The following KLHL13 variants were observed in gnomAD, a reference collection of about 807,000 sequenced individuals.
The protein encoded by KLHL13 is kelch-like protein 13.
In KLHL13, 10 loss-of-function variants were observed where a neutral mutation model predicts 37.1. That is an observed-to-expected ratio of 0.27 (90% confidence interval 0.17 to 0.46). The LOEUF (loss-of-function observed/expected upper bound fraction) is 0.46. KLHL13 is among the 20% of genes least tolerant of loss of function. KLHL13 has a pLI of 1.00. For missense variants in KLHL13, 360 were observed against 509.3 expected, an observed-to-expected ratio of 0.71 and a Z score of 2.82; for synonymous variants, 163 against 181.2, an observed-to-expected ratio of 0.90 and a Z score of 0.81.
At chrX:117,984,230 TA>T (rs1182635988) in intron 1 of KLHL13, among the ~76,000 whole-genome samples, 1 of 111,738 alleles carries the variant, frequency 8.9e-6, no homozygotes, top group Non-Finnish European at 1.9e-5. Flanking sequence ...AATCCAGTTT[TA>T]AAAATAGAGA....
intron 2 of KLHL13, among the ~76,000 whole-genome samples, chrX:117,922,113 T>C (rs1410948364): frequency 1.8e-5 from 2 of 111,770 alleles, no homozygotes; most frequent in East Asian, 5.6e-4. Flanking sequence ...TAATAGCTCA[T>C]CTTATAAAAA....
At chrX:117,913,573 C>T (rs1931129631) in intron 4 of KLHL13, among the ~76,000 whole-genome samples, 1 of 112,062 alleles carries the variant, frequency 8.9e-6, no homozygotes, top group African/African-American at 3.2e-5. Context: ...AGGCCGGGGG[C>T]GGTGGCTCAC....
exon 7 of KLHL13, chrX:117,898,171 G>A (rs1929852192): frequency 9.0e-6 from 1 of 111,364 alleles, no homozygotes; most frequent in Admixed American, 9.5e-5. Context: ...TTTCTTTGAT[G>A]TGCCACTCAA....
At chrX:117,925,005 A>G (rs948401331) in intron 2 of KLHL13, among the ~76,000 whole-genome samples, 1 of 111,441 alleles carries the variant, frequency 9.0e-6, no homozygotes, top group African/African-American at 3.2e-5. Context: ...TTAAATAGAG[A>G]GAGGTACATA....
intron 2 of KLHL13, among the ~76,000 whole-genome samples, chrX:117,943,232 G>T (rs1241421588): frequency 1.8e-5 from 2 of 111,458 alleles, no homozygotes; most frequent in Non-Finnish European, 3.8e-5. Context: ...TAGGTAACCC[G>T]ACCTGTCTCT....
At chrX:118,038,961 C>T (rs2054479282) in intron 1 of KLHL13, among the ~76,000 whole-genome samples, 1 of 111,980 alleles carries the variant, frequency 8.9e-6, no homozygotes, top group Admixed American at 9.4e-5. Context: ...TACTAGCTTA[C>T]CTACAGTAGG....
At chrX:117,962,298 T>G (rs2053315184) in intron 1 of KLHL13, among the ~76,000 whole-genome samples, 1 of 105,800 alleles carries the variant, frequency 9.5e-6, no homozygotes, top group Non-Finnish European at 1.9e-5. Context: ...AGAAAAGAAA[T>G]ACATAGAGGT....
At chrX:117,908,066 ATTATTTATTTAT>A (rs78358758) in intron 5 of KLHL13, among the ~76,000 whole-genome samples, 79 of 99,210 alleles carry the variant, frequency 8.0e-4, no homozygotes, top group African/African-American at 1.4e-3. Flanking sequence ...CTACAAGGAC[ATTATTTATTTAT>A]TTATTTATTT....
At chrX:118,039,958 C>T (rs2148054533) in intron 1 of KLHL13, among the ~76,000 whole-genome samples, 1 of 111,353 alleles carries the variant, frequency 9.0e-6, no homozygotes, top group African/African-American at 3.3e-5. Flanking sequence ...GCCTGGTAAT[C>T]CATAGAATTC....
chrX:118,085,402 G>C (rs2055041953), intron 1 of KLHL13, among the ~76,000 whole-genome samples: 1 of 110,744 alleles, frequency 9.0e-6, no homozygotes, highest in Non-Finnish European at 1.9e-5. Flanking sequence ...CTTTATTATA[G>C]AACAAATGGG....
chrX:118,052,764 T>C (rs933588902), intron 1 of KLHL13, among the ~76,000 whole-genome samples: 2 of 108,365 alleles, frequency 1.8e-5, no homozygotes, highest in Non-Finnish European at 3.8e-5. Flanking sequence ...GAGGTGGAGG[T>C]TGCAGTGAGC....
At chrX:118,032,422 G>T (rs1182622825) in intron 1 of KLHL13, among the ~76,000 whole-genome samples, 1 of 111,682 alleles carries the variant, frequency 9.0e-6, no homozygotes, top group Non-Finnish European at 1.9e-5. Context: ...TCTTCAAGTG[G>T]GTCCCTGACC....
At chrX:117,951,292 T>A (rs929684780) in intron 1 of KLHL13, among the ~76,000 whole-genome samples, 10 of 111,964 alleles carry the variant, frequency 8.9e-5, no homozygotes, top group Non-Finnish European at 1.7e-4. Flanking sequence ...TATTGAAAGA[T>A]TTGTCCCCCA....
chrX:117,960,767 AT>A (rs2147857643), intron 1 of KLHL13, among the ~76,000 whole-genome samples: 1 of 111,761 alleles, frequency 8.9e-6, no homozygotes, highest in African/African-American at 3.2e-5. Flanking sequence ...GTCCTTTGAA[AT>A]TTTTTTCAAT....
At chrX:117,934,481 C>T (rs1294530565) in intron 2 of KLHL13, among the ~76,000 whole-genome samples, 1 of 110,370 alleles carries the variant, frequency 9.1e-6, no homozygotes, top group Non-Finnish European at 1.9e-5. Context: ...ACCCTCTCTC[C>T]TACTAACTTT....
chrX:118,107,912 G>A (rs1036865530), intron 1 of KLHL13, among the ~76,000 whole-genome samples: 2 of 111,417 alleles, frequency 1.8e-5, no homozygotes, highest in South Asian at 7.7e-4. Flanking sequence ...AATTAGCCAG[G>A]CGTGGTGGCA....
chrX:117,992,196 G>A (rs1294935102), intron 1 of KLHL13, among the ~76,000 whole-genome samples: 11 of 102,975 alleles, frequency 1.1e-4, no homozygotes, highest in African/African-American at 4.1e-4. Context: ...GGGGTGCCTT[G>A]AGGGATAGAG....
chrX:118,089,620 G>GAAAGAAAGAAGAAAGAAAGAAAGAA (rs773944967), intron 1 of KLHL13, among the ~76,000 whole-genome samples: 10 of 71,918 alleles, frequency 1.4e-4, no homozygotes, highest in African/African-American at 5.2e-4. Flanking sequence ...GAGAAAGAAA[G>GAAAGAAAGAAGAAAGAAAGAAAGAA]AGAAAGAAAG....
chrX:117,926,117 C>T (rs1485830348), intron 2 of KLHL13, among the ~76,000 whole-genome samples: 6 of 111,640 alleles, frequency 5.4e-5, no homozygotes, highest in African/African-American at 2.0e-4. Flanking sequence ...AAGAGAGATT[C>T]GATTTACATT....
Sources: gnomAD v4.1 joint callset for allele counts (sites outside exome capture counted in the v4.1 genomes callset) on GRCh38, gnomAD v4.1.1 for gene constraint, MANE v1.5 for transcripts, NCBI Gene and HGNC (gene_info 2026-07-23, HGNC 2026-07-21) for gene names.